The following CLYBL variants were observed in gnomAD, a reference collection of about 807,000 sequenced individuals.
The protein encoded by CLYBL is citramalyl-CoA lyase, also known as citramalyl-CoA lyase, mitochondrial.
In CLYBL, 31 loss-of-function variants were observed where a neutral mutation model predicts 38.9. The ratio of observed to expected loss-of-function variants is 0.80; its 90% CI spans 0.60 to 1.08. CLYBL has a LOEUF of 1.08. CLYBL is among the 50% of genes least tolerant of loss of function. The pLI is 0.00. For synonymous variants in CLYBL, 171 were observed against 158.6 expected, an observed-to-expected ratio of 1.08 and a Z score of -0.59; for missense variants, 434 against 411.6, an observed-to-expected ratio of 1.05 and a Z score of -0.47.
At chr13:99,800,596 G>A (rs1318102338) in intron 2 of CLYBL, among the ~76,000 whole-genome samples, 2 of 152,148 alleles carry the variant, frequency 1.3e-5, no homozygotes, top group African/African-American at 2.4e-5. Context: ...TTGTTTGGCC[G>A]GGTTTGGTAG....
rs562754943 is a variant in CLYBL at position 99,764,419 on chromosome 13, T to C, written c.63-8405T>C. ...TTTATTATGGCTTCAGTATCACTAC[T>C]CGTTATTGGTTTATTGAGTTTTCCT... On this transcript the variant is annotated intron_variant, in intron 1 of 8. Transcript: ENST00000339105. 3.4e-4 allele frequency among the ~76,000 whole-genome samples: 52 copies of C among 152,320 alleles called. 1 individual carries two copies. Among genetic ancestry groups the C allele is most frequent in the African/African-American group, 1.3e-3 (52 of 41,582 alleles).
intron 2 of CLYBL, among the ~76,000 whole-genome samples, chr13:99,821,819 T>A (rs2050593941): frequency 6.6e-6 from 1 of 152,206 alleles, no homozygotes; most frequent in African/African-American, 2.4e-5. Flanking sequence ...GCTAGCCACA[T>A]GTCAAGCAGG....
chr13:99,626,261 G>A (rs1594089579), intron 1 of CLYBL, among the ~76,000 whole-genome samples: 1 of 152,224 alleles, frequency 6.6e-6, no homozygotes, highest in Non-Finnish European at 1.5e-5. Context: ...AGAGGGCACA[G>A]GCCCGGTAGG....
At position 99,809,817 on chromosome 13, in the gene CLYBL, C is replaced by T. The variant is rs186602701; in HGVS notation, c.249+36807C>T. Among the ~76,000 whole-genome samples the T allele has an allele frequency of 3.2e-4, 48 of 152,288 alleles. No individual in the cohort carries two copies. The East Asian group carries it at 4.6e-3, about 15-fold the overall frequency. On this transcript the variant is annotated intron_variant, in intron 2 of 8. Coordinates refer to ENST00000339105, the MANE Select transcript of CLYBL (RefSeq NM_206808.5). The stretch of plus-strand genomic sequence containing the variant: ...AATGTGACATGTTCCTCTTGGCCAA[C>T]TCGGGAAGACATGCCAGTCTGCCAG...
intron 1 of CLYBL, among the ~76,000 whole-genome samples, chr13:99,747,268 C>T (rs893638692): frequency 7.3e-6 from 1 of 136,786 alleles, no homozygotes; most frequent in African/African-American, 2.7e-5. Flanking sequence ...TCCTTCGTTC[C>T]TACCCTCCCA....
intron 2 of CLYBL, among the ~76,000 whole-genome samples, chr13:99,816,727 G>A (rs1287074059): frequency 4.6e-5 from 7 of 152,172 alleles, no homozygotes; most frequent in South Asian, 2.1e-4. Context: ...ACCAAACACC[G>A]AATTTGCCAG....
At chr13:99,820,687 A>G (rs2050571565) in intron 2 of CLYBL, among the ~76,000 whole-genome samples, 1 of 152,162 alleles carries the variant, frequency 6.6e-6, no homozygotes, top group Non-Finnish European at 1.5e-5. Flanking sequence ...CCCAGAATTC[A>G]CCATCTGGAT....
At position 99,611,907 on chromosome 13, in the gene CLYBL, T is replaced by C. The variant is rs531967453; in HGVS notation, c.62+5150T>C. On this transcript the variant is annotated intron_variant, in intron 1 of 8. Transcript: ENST00000339105. ...GCCTGGAGTTGTTCATGCTGACTCCTTATCCTTTTTCTTACAGCTCTACAA... is the reference window on the plus strand; with the variant it reads ...GCCTGGAGTTGTTCATGCTGACTCCCTATCCTTTTTCTTACAGCTCTACAA... Among the ~76,000 whole-genome samples the C allele has an allele frequency of 4.6e-5, 7 of 152,350 alleles. No homozygotes were observed. The South Asian group carries it at 1.4e-3, about 32-fold the overall frequency.
At chr13:99,853,026 T>TGAA (rs1392053038) in intron 2 of CLYBL, among the ~76,000 whole-genome samples, 1 of 152,210 alleles carries the variant, frequency 6.6e-6, no homozygotes, top group Non-Finnish European at 1.5e-5. Flanking sequence ...GTTTTTGAGG[T>TGAA]GAAATTTATA....
rs188053725 is a variant in CLYBL, at chr13:99,695,542, C to T, written c.63-77282C>T. On this transcript the variant is annotated intron_variant, in intron 1 of 8. Transcript: ENST00000339105. ...TTTTTTTTTCCTTTTTGTTTTGAGACGGAGTCTCCCTCTGTCGCCCAGGCT... is the reference window on the plus strand; with the variant it reads ...TTTTTTTTTCCTTTTTGTTTTGAGATGGAGTCTCCCTCTGTCGCCCAGGCT... Among the ~76,000 whole-genome samples, 49 of 151,900 alleles carry T rather than the reference C, an allele frequency of 3.2e-4. 1 individual carries two copies. The East Asian group carries it at 7.6e-3, about 23-fold the overall frequency.
chr13:99,692,294 T>TG (rs1391322420), intron 1 of CLYBL, among the ~76,000 whole-genome samples: 1 of 129,274 alleles, frequency 7.7e-6, no homozygotes, highest in East Asian at 2.8e-4. Context: ...TTGTTTTTTT[T>TG]TTTTTGTTTG....
intron 2 of CLYBL, among the ~76,000 whole-genome samples, chr13:99,855,780 C>A (rs1200536560): frequency 1.3e-5 from 2 of 151,382 alleles, no homozygotes; most frequent in African/African-American, 4.9e-5. Context: ...CCTGAAAATA[C>A]CAAAAAGAAA....
At chr13:99,625,245 C>G (rs1385932685) in intron 1 of CLYBL, among the ~76,000 whole-genome samples, 1 of 152,244 alleles carries the variant, frequency 6.6e-6, no homozygotes, top group Non-Finnish European at 1.5e-5. Flanking sequence ...CTGGGGGAAA[C>G]TGCTAACTGG....
At chr13:99,727,983 C>A (rs1038151783) in intron 1 of CLYBL, among the ~76,000 whole-genome samples, 2 of 152,114 alleles carry the variant, frequency 1.3e-5, no homozygotes, top group Non-Finnish European at 2.9e-5. Context: ...GAGACTGAGG[C>A]AGGAGAATTG....
chr13:99,827,779 C>T (rs1258980334), intron 2 of CLYBL, among the ~76,000 whole-genome samples: 4 of 152,352 alleles, frequency 2.6e-5, no homozygotes, highest in Middle Eastern at 3.4e-3. Context: ...TCCCGACAGG[C>T]GCCATCGTAT....
chr13:99,693,270 C>A (rs770514243), intron 1 of CLYBL, among the ~76,000 whole-genome samples: 40 of 152,112 alleles, frequency 2.6e-4, no homozygotes, highest in Non-Finnish European at 5.0e-4. Context: ...ATCTTTGTAT[C>A]CCCCACAGTC....
chr13:99,610,579 T>A (rs1000168693), intron 1 of CLYBL, among the ~76,000 whole-genome samples: 8 of 152,202 alleles, frequency 5.3e-5, no homozygotes, highest in African/African-American at 1.9e-4. Flanking sequence ...CTTAAATTCC[T>A]GGAACCAGTA....
intron 1 of CLYBL, among the ~76,000 whole-genome samples, chr13:99,636,766 AG>A (rs1374277734): frequency 6.6e-6 from 1 of 152,092 alleles, no homozygotes; most frequent in African/African-American, 2.4e-5. Context: ...TGGTTCTACG[AG>A]GGGTAAGTAG....
At chr13:99,840,262 A>G (rs1283777179) in intron 2 of CLYBL, among the ~76,000 whole-genome samples, 6 of 151,790 alleles carry the variant, frequency 4.0e-5, no homozygotes, top group Non-Finnish European at 8.8e-5. Context: ...TAAAAAAAAA[A>G]AAAATCACTA....
Sources: allele counts gnomAD v4.1 joint callset (sites outside exome capture counted in the v4.1 genomes callset), GRCh38; gene constraint gnomAD v4.1.1; transcripts MANE v1.5; gene names NCBI Gene and HGNC (gene_info 2026-07-23, HGNC 2026-07-21).